The following SMPD3 variants were observed in gnomAD, a reference collection of about 807,000 sequenced individuals.
SMPD3 encodes nSMase-2.
Under a neutral mutation model 55.7 loss-of-function variants are expected in SMPD3, and 21 were observed. The observed-to-expected ratio is 0.38, with a 90% CI of 0.27 to 0.54. The LOEUF (loss-of-function observed/expected upper bound fraction) is 0.54, where lower values mean the gene tolerates loss of function less well. SMPD3 is among the 20% of genes least tolerant of loss of function. The probability of loss-of-function intolerance (pLI) is 0.80; values close to 1 mark genes in which losing one functional copy is unlikely to be tolerated. For missense variants in SMPD3, 842 were observed against 899.6 expected (o/e 0.94, Z 0.82); for synonymous variants, 457 against 404.3 (o/e 1.13, Z -1.56).
chr16:68,387,099 C>T (rs376921312), intron 1 of SMPD3, among the ~76,000 whole-genome samples: 8 of 152,236 alleles, frequency 5.3e-5, no homozygotes, highest in Admixed American at 1.3e-4. Flanking sequence ...GAGCTTTGTG[C>T]AATCTCTGCT....
chr16:68,403,780 C>T (rs1345368195), intron 1 of SMPD3, among the ~76,000 whole-genome samples: 1 of 152,184 alleles, frequency 6.6e-6, no homozygotes, highest in Non-Finnish European at 1.5e-5. Flanking sequence ...CAGGGCTGGG[C>T]CTCATGCGTT....
intron 2 of SMPD3, among the ~76,000 whole-genome samples, chr16:68,383,958 AAC>A (rs1161112630): frequency 6.6e-6 from 1 of 152,166 alleles, no homozygotes; most frequent in Non-Finnish European, 1.5e-5. Context: ...TAGACACTGT[AAC>A]AGATTCCACC....
At chr16:68,363,719 T>C (rs879674344) in intron 6 of SMPD3, 58 bp downstream of exon 6, 2 of 1,510,280 alleles carry the variant, frequency 1.3e-6, no homozygotes, top group Non-Finnish European at 1.8e-6. Flanking sequence ...CCTGGTGATC[T>C]TTGAGGGAAG....
intron 1 of SMPD3, among the ~76,000 whole-genome samples, chr16:68,391,492 T>C (rs538020140): frequency 3.5e-4 from 54 of 152,350 alleles, no homozygotes; most frequent in African/African-American, 1.3e-3. Context: ...ACTTAGTCTC[T>C]CTGAGCATTG....
intron 1 of SMPD3, among the ~76,000 whole-genome samples, chr16:68,446,006 C>G (rs1341460482): frequency 2.0e-5 from 3 of 152,130 alleles, no homozygotes; most frequent in Non-Finnish European, 4.4e-5. Flanking sequence ...CTGTGACTGA[C>G]CAGCAACGTC....
At chr16:68,386,093 G>A (rs2090048310) in intron 2 of SMPD3, among the ~76,000 whole-genome samples, 1 of 151,910 alleles carries the variant, frequency 6.6e-6, no homozygotes, top group South Asian at 2.1e-4. Flanking sequence ...GTGGTGGTGT[G>A]TACTTGTAGT....
chr16:68,419,680 C>T (rs899975856), intron 1 of SMPD3, among the ~76,000 whole-genome samples: 8 of 152,374 alleles, frequency 5.3e-5, no homozygotes, highest in African/African-American at 1.9e-4. Context: ...ACCCTCCTCA[C>T]CTCCAACATA....
At chr16:68,373,994 T>C (rs546867577) in intron 2 of SMPD3, among the ~76,000 whole-genome samples, 60 of 152,334 alleles carry the variant, frequency 3.9e-4, no homozygotes, top group African/African-American at 1.1e-3. Context: ...CTTAGGTGTC[T>C]CCACCGGTGG....
chr16:68,415,870 T>C (rs55998079), intron 1 of SMPD3, among the ~76,000 whole-genome samples: 5,145 of 152,020 alleles, frequency 0.034, 229 homozygotes, highest in African/African-American at 0.1. Context: ...ATGTGACATA[T>C]TCTGCCTCAC....
Position 68,361,157 on chromosome 16 carries a change from A to T in SMPD3, c.*49T>A, listed in dbSNP as rs375933597. The stretch of plus-strand genomic sequence containing the variant: ...TCGATGGAGGGGACATGGCCCAGGG[A>T]TGGGCTGCAGCTGCAAGGGCTGGCA... On this transcript the variant is annotated 3_prime_UTR_variant, in exon 9 of 9. Coordinates refer to ENST00000219334, the MANE Select transcript of SMPD3 (RefSeq NM_018667.4). 188 of 1,549,352 alleles carry T rather than the reference A, an allele frequency of 1.2e-4. No homozygotes were observed. In the African/African-American group the frequency reaches 2.3e-3, roughly 19 times the overall value.
At chr16:68,369,330 C>T (rs1315575314) in intron 3 of SMPD3, 1 of 152,088 alleles carries the variant, frequency 6.6e-6, no homozygotes, top group Non-Finnish European at 1.5e-5. Flanking sequence ...CAGGACAGAA[C>T]CTGGGAGGAG....
chr16:68,370,898 G>A lies in SMPD3; in HGVS notation c.1284C>T (p.Asn428=), dbSNP rs149186595. 7.0e-4 allele frequency: 1,127 copies of A among 1,614,062 alleles called. No homozygotes were observed. Among genetic ancestry groups the A allele is most frequent in the African/African-American group, 1.1e-3 (86 of 75,044 alleles). The change falls in exon 3 of 9, where the codon AAC becomes AAT. Residue 428 remains asparagine (N), a synonymous_variant. Transcript: ENST00000219334. ...VAYHCYPNKC[N]DDALASKGAL... ...CTCCCTTAGAGGCCAGGGCATCGTCGTTACACTTGTTGGGGTAACAGTGAT... is the reference window on the plus strand; with the variant it reads ...CTCCCTTAGAGGCCAGGGCATCGTCATTACACTTGTTGGGGTAACAGTGAT...
chr16:68,361,885 T>TTAA lies in SMPD3; in HGVS notation c.1710-129_1710-127dup, dbSNP rs146270224. 3.0e-3 allele frequency: 4,113 copies of TTAA among 1,356,100 alleles called. 9 individuals carry two copies. The highest frequency in any genetic ancestry group is 3.5e-3 in the Non-Finnish European group (3,601 of 1,015,958). The allele number at this position is 1,356,100 out of a possible 1,614,324, so 84.0% of individuals were successfully genotyped here. ...GGTGGGTGGGACCAAAGCGCTGGGT[T>TTAA]TAAGATCTCTCCCCTGCGGGTCCAA... On this transcript the variant is annotated intron_variant, in intron 7 of 8. Transcript: ENST00000219334.
chr16:68,396,132 T>A (rs1458229393), intron 1 of SMPD3, among the ~76,000 whole-genome samples: 1 of 152,170 alleles, frequency 6.6e-6, no homozygotes, highest in East Asian at 1.9e-4. Context: ...TAGTCCCTAC[T>A]CCCAACCCCT....
At chr16:68,367,489 G>A (rs71395854) in intron 3 of SMPD3, 6,092 of 152,392 alleles carry the variant, frequency 0.04, 143 homozygotes, top group Middle Eastern at 0.12. Context: ...GTGTCTTTGC[G>A]GTTTCTCCCC....
At chr16:68,379,932 G>T (rs1401302373) in intron 2 of SMPD3, among the ~76,000 whole-genome samples, 1 of 152,242 alleles carries the variant, frequency 6.6e-6, no homozygotes, top group Non-Finnish European at 1.5e-5. Flanking sequence ...CGTCCTAGAG[G>T]TGCAAGAGCC....
At chr16:68,374,205 A>AG (rs1346652743) in intron 2 of SMPD3, among the ~76,000 whole-genome samples, 2 of 152,168 alleles carry the variant, frequency 1.3e-5, no homozygotes, top group African/African-American at 4.8e-5. Context: ...CCAGCCAGAG[A>AG]GGGGGCAGCT....
At chr16:68,425,492 T>A (rs1460658145) in intron 1 of SMPD3, among the ~76,000 whole-genome samples, 1 of 118,264 alleles carries the variant, frequency 8.5e-6, no homozygotes, top group Non-Finnish European at 1.6e-5. Flanking sequence ...TTTTGCAGAG[T>A]GACAGCCACA....
At position 68,371,482 on chromosome 16, in the gene SMPD3, C is replaced by T. The variant is rs762730959; in HGVS notation, c.700G>A (p.Val234Ile). The T allele has an allele frequency of 6.3e-7, 1 of 1,598,610 alleles. No individual in the cohort carries two copies. Among genetic ancestry groups the T allele is most frequent in the Admixed American group, 1.7e-5 (1 of 59,758 alleles). Residue 234 changes from valine to isoleucine, a missense_variant, in exon 3 of 9, where the codon GTC becomes ATC. Physicochemically the swap from Val to Ile is conservative, Grantham distance 29. Coordinates refer to ENST00000219334, the MANE Select transcript of SMPD3 (RefSeq NM_018667.4). ...GCATCCTCCGGGCTGCTGCTGTCGA[C>T]AGGGTCCCCAGAGGCTGGGCCGTTG... ...AANGPASGDP[V>I]DSSSPEDACI...
Sources: allele counts gnomAD v4.1 joint callset (sites outside exome capture counted in the v4.1 genomes callset), GRCh38; gene constraint gnomAD v4.1.1; transcripts MANE v1.5; gene names NCBI Gene and HGNC (gene_info 2026-07-23, HGNC 2026-07-21).